The following PRRC2C variants were observed in gnomAD, a reference collection of about 807,000 sequenced individuals.
The protein encoded by PRRC2C is protein PRRC2C.
A neutral mutation model predicts 317.2 loss-of-function variants in PRRC2C; 72 were observed. The ratio of observed to expected loss-of-function variants is 0.23; its 90% CI spans 0.19 to 0.28. PRRC2C has a LOEUF of 0.28. PRRC2C is among the 10% of genes least tolerant of loss of function. PRRC2C has a pLI of 1.00. For synonymous variants in PRRC2C, 1,296 were observed against 1,205.9 expected (o/e 1.07, Z -1.55); for missense variants, 3,074 against 3,459.7 (o/e 0.89, Z 2.80).
intron 18 of PRRC2C, among the ~76,000 whole-genome samples, chr1:171,551,306 G>T (rs1163191117): frequency 6.6e-6 from 1 of 152,070 alleles, no homozygotes; most frequent in Non-Finnish European, 1.5e-5. Context: ...ACTTTTTGAT[G>T]GGGTTGTTTG....
intron 1 of PRRC2C, among the ~76,000 whole-genome samples, chr1:171,501,283 A>G (rs1242395828): frequency 6.6e-6 from 1 of 152,190 alleles, no homozygotes; most frequent in African/African-American, 2.4e-5. Flanking sequence ...GGTGCCCGCC[A>G]CAATGCCCTG....
Position 171,591,843 on chromosome 1 carries a change from C to G in PRRC2C, c.8693C>G (p.Ser2898Cys), listed in dbSNP as rs778428592. ...PQAIKTEETK[S>C] ...GCGATCAAAACCGAAGAAACAAAATCTTAAAGGCTATGGTTTATTGCAGGG... is the reference window on the plus strand; with the variant it reads ...GCGATCAAAACCGAAGAAACAAAATGTTAAAGGCTATGGTTTATTGCAGGG... Residue 2898 changes from serine (S) to cysteine (C), a missense_variant, in exon 35 of 35, where the codon TCT (serine) becomes TGT (cysteine). Ser to Cys is a moderately radical substitution (Grantham distance 112, BLOSUM62 -1). Transcript: ENST00000647382. 3 of 1,581,450 alleles carry G rather than the reference C, an allele frequency of 1.9e-6. No individual in the cohort carries two copies. Among genetic ancestry groups the G allele is most frequent in the African/African-American group, 2.8e-5 (2 of 71,296 alleles).
rs775102636 is a variant in PRRC2C, at chr1:171,566,223, C to A, written c.6118-10C>A. On this transcript the variant is annotated splice_polypyrimidine_tract_variant and intron_variant, in intron 20 of 34. Transcript: ENST00000647382. ...CTTTGCAAGCAAGTTTTAAAATATT[C>A]TTTTACTAGGGAGCGAAGAATGGTC... The A allele has an allele frequency of 3.1e-6, 5 of 1,598,600 alleles. No individual in the cohort carries two copies. The East Asian group carries it at 6.7e-5, about 22-fold the overall frequency.
In PRRC2C at chr1:171,516,885, C is replaced by T. The variant is rs1029028691; in HGVS notation, c.527-706C>T. 3.4e-4 allele frequency among the ~76,000 whole-genome samples: 52 copies of T among 152,166 alleles called. 1 individual carries two copies. The highest frequency in any genetic ancestry group is 7.3e-5 in the Non-Finnish European group (5 of 68,040). On this transcript the variant is annotated intron_variant, in intron 5 of 34. Transcript: ENST00000647382. ...ATAAATGATGAGAGACAGACACCCTCCACCCAAGACAGAAGCCCACAGTCT... is the reference window on the plus strand; with the variant it reads ...ATAAATGATGAGAGACAGACACCCTTCACCCAAGACAGAAGCCCACAGTCT...
intron 32 of PRRC2C, 33 bp from the exon 33 acceptor site, chr1:171,588,346 T>C: frequency 1.9e-6 from 3 of 1,609,094 alleles, no homozygotes; most frequent in African/African-American, 1.3e-5. Flanking sequence ...TACTTGGTAT[T>C]ACTATACTGA....
intron 16 of PRRC2C, among the ~76,000 whole-genome samples, chr1:171,543,030 G>A (rs937547246): frequency 2.0e-5 from 3 of 150,766 alleles, no homozygotes; most frequent in Non-Finnish European, 3.0e-5. Context: ...AAAGTGCTGA[G>A]ATTACAGGTG....
At position 171,568,160 on chromosome 1, in the gene PRRC2C, G is replaced by T. The variant is rs1422356236; in HGVS notation, c.6559-87G>T. On this transcript the variant is annotated intron_variant, in intron 22 of 34. Coordinates refer to ENST00000647382, the MANE Select transcript of PRRC2C (RefSeq NM_001387844.1). ...AGATCATGCCACTGCACTCCAGCCT[G>T]CATGATAGCGAGACTCAAAAAAAAG... 6.2e-6 allele frequency: 9 copies of T among 1,452,266 alleles called. No individual in the cohort carries two copies. In the East Asian group the frequency reaches 2.3e-4, roughly 37 times the overall value. 90.0% of individuals were successfully genotyped at this position (1,452,266 alleles called of 1,614,324 possible). A position where few individuals can be genotyped will look rare whatever the true frequency, so the allele number is the denominator to read the frequency against.
chr1:171,533,084 A>G, intron 12 of PRRC2C, 123 bp downstream of exon 12: 1 of 1,003,042 alleles, frequency 1.0e-6, no homozygotes, highest in Non-Finnish European at 1.4e-6. Context: ...TTATGATAGC[A>G]TTTGCAGTAC....
At position 171,583,981 on chromosome 1, in the gene PRRC2C, A is replaced by T; in HGVS notation, c.7435A>T (p.Ser2479Cys). The T allele has an allele frequency of 6.2e-7, 1 of 1,613,614 alleles. No individual in the cohort carries two copies. The highest frequency in any genetic ancestry group is 8.5e-7 in the Non-Finnish European group (1 of 1,179,738). ...YRSQPAFMQS[S>C]LSQPSVVLSG... ...ATCTCAGCCAGCTTTTATGCAAAGCAGTTTATCCCAGCCATCTGTGGTCCT... is the reference window on the plus strand; with the variant it reads ...ATCTCAGCCAGCTTTTATGCAAAGCTGTTTATCCCAGCCATCTGTGGTCCT... The change falls in exon 29 of 35, where the codon AGT becomes TGT. Residue 2479 changes from serine (S) to cysteine (C), a missense_variant. Coordinates refer to ENST00000647382, the MANE Select transcript of PRRC2C (RefSeq NM_001387844.1).
At chr1:171,578,048 A>G (rs1186938385) in intron 26 of PRRC2C, among the ~76,000 whole-genome samples, 1 of 147,822 alleles carries the variant, frequency 6.8e-6, no homozygotes, top group African/African-American at 2.5e-5. Flanking sequence ...CTCCTGCCTC[A>G]GCCTCCCAAA....
chr1:171,562,957 A>G (rs1682972551), intron 20 of PRRC2C, among the ~76,000 whole-genome samples: 1 of 152,312 alleles, frequency 6.6e-6, no homozygotes, highest in Admixed American at 6.5e-5. Flanking sequence ...TGATTAGAGA[A>G]GTATCCTAAA....
intron 11 of PRRC2C, among the ~76,000 whole-genome samples, chr1:171,531,131 T>C (rs1470090597): frequency 6.6e-6 from 1 of 152,176 alleles, no homozygotes; most frequent in Non-Finnish European, 1.5e-5. Flanking sequence ...AATATAATTT[T>C]ATACATGTAT....
chr1:171,557,771 G>C lies in PRRC2C; in HGVS notation c.5659G>C (p.Ala1887Pro). The C allele has an allele frequency of 6.4e-7, 1 of 1,550,898 alleles. No homozygotes were observed. Among genetic ancestry groups the C allele is most frequent in the African/African-American group, 1.4e-5 (1 of 72,878 alleles). Residue 1887 changes from alanine (A) to proline (P), a missense_variant, in exon 19 of 35, where the codon GCC becomes CCC. Around this residue, in one of 11 missense-constraint regions of PRRC2C, gnomAD observed 640 missense variants for 676.1 expected, o/e 0.95. Transcript: ENST00000647382. ...AGCCCCAGCAGCCTCTTCCCCAGCT[G>C]CCCCAGTCATCACAGCACCAACTAT... ...TPAPAASSPAAPVITAPTIPA... is the reference protein window; with the variant it reads ...TPAPAASSPAPPVITAPTIPA...
chr1:171,527,720 C>T (rs1433071189), intron 10 of PRRC2C, 71 bp from the exon 11 acceptor site: 21 of 1,317,732 alleles, frequency 1.6e-5, no homozygotes, highest in Non-Finnish European at 2.2e-5. Flanking sequence ...CATGCCACTG[C>T]ACTCCAGCAT....
Position 171,544,720 on chromosome 1 carries a change from G to T in PRRC2C, c.4764-759G>T, listed in dbSNP as rs563219483. Among the ~76,000 whole-genome samples, 22 of 152,208 alleles carry T rather than the reference G, an allele frequency of 1.4e-4. 1 individual carries two copies. Among genetic ancestry groups the T allele is most frequent in the African/African-American group, 4.8e-4 (20 of 41,546 alleles). ...CAACAACTTTGAACCTGTAGAAATG[G>T]CAGTGACGATTATAATTAAATGTTT... On this transcript the variant is annotated intron_variant, in intron 16 of 34. Coordinates refer to ENST00000647382, the MANE Select transcript of PRRC2C (RefSeq NM_001387844.1).
intron 1 of PRRC2C, among the ~76,000 whole-genome samples, chr1:171,496,825 A>G (rs193211670): frequency 1.4e-5 from 2 of 143,438 alleles, no homozygotes; most frequent in African/African-American, 5.4e-5. Context: ...TGTTTTGACA[A>G]GGTCTCACTC....
intron 1 of PRRC2C, among the ~76,000 whole-genome samples, chr1:171,490,743 G>T (rs1388859088): frequency 2.0e-5 from 3 of 152,180 alleles, no homozygotes; most frequent in African/African-American, 7.2e-5. Context: ...GATATCCTTG[G>T]TGACCTTAAA....
intron 16 of PRRC2C, among the ~76,000 whole-genome samples, chr1:171,544,135 G>A (rs778887176): frequency 3.3e-5 from 5 of 151,886 alleles, no homozygotes; most frequent in African/African-American, 4.8e-5. Flanking sequence ...TTGAGGGCGT[G>A]GGTGAGGGAC....
chr1:171,540,390 T>C lies in PRRC2C; in HGVS notation c.2924T>C (p.Ile975Thr), dbSNP rs1473490010. 6.2e-7 allele frequency: 1 copy of C among 1,613,194 alleles called. No homozygotes were observed. Residue 975 changes from isoleucine to threonine, a missense_variant, in exon 16 of 35, where the codon ATA becomes ACA. This residue lies in a region of PRRC2C where 1,320 missense variants were observed against 1,395.7 expected (regional missense o/e 0.95). Coordinates refer to ENST00000647382, the MANE Select transcript of PRRC2C (RefSeq NM_001387844.1). ...GAGAAACCAAAAAAGGAAGGCTTTA[T>C]ACGATCTTCTGAAGGACCAAAACCT... ...PEEKPKKEGFIRSSEGPKPEK... is the reference protein window; with the variant it reads ...PEEKPKKEGFTRSSEGPKPEK...
Sources: allele counts gnomAD v4.1 joint callset (sites outside exome capture counted in the v4.1 genomes callset), GRCh38; gene constraint gnomAD v4.1.1; regional missense constraint gnomAD v4.1.1; transcripts MANE v1.5; gene names NCBI Gene and HGNC (gene_info 2026-07-23, HGNC 2026-07-21).